The following KCNH1 variants were observed in gnomAD, a reference collection of about 807,000 sequenced individuals.
KCNH1 encodes the protein voltage-gated delayed rectifier potassium channel KCNH1.
In KCNH1, 27 loss-of-function variants were observed where a neutral mutation model predicts 69.2. The ratio of observed to expected loss-of-function variants is 0.39; its 90% CI spans 0.29 to 0.54. The LOEUF (loss-of-function observed/expected upper bound fraction) is 0.54. Ranked by LOEUF, KCNH1 falls within the 20% of genes least tolerant of loss-of-function variation. The pLI, the probability that KCNH1 is intolerant of heterozygous loss-of-function variation, is 0.68. For synonymous variants in KCNH1, 456 were observed against 487.7 expected, an observed-to-expected ratio of 0.93 and a Z score of 0.86; for missense variants, 798 against 1,261.6, an observed-to-expected ratio of 0.63 and a Z score of 5.57.
intron 6 of KCNH1, among the ~76,000 whole-genome samples, chr1:210,958,040 A>G (rs148588265): frequency 0.041 from 6,211 of 152,308 alleles, 189 homozygotes; most frequent in South Asian, 0.065. Flanking sequence ...ATGTTTTTGT[A>G]GTGGCTGGTA....
At chr1:210,806,806 CCAAAAAAAA>C (rs1298090221) in intron 7 of KCNH1, among the ~76,000 whole-genome samples, 20,888 of 86,158 alleles carry the variant, frequency 0.24, 4,470 homozygotes, top group Non-Finnish European at 0.24. Context: ...CCCATCTCTA[CCAAAAAAAA>C]AAAAAAAAAA....
At chr1:210,959,338 C>A (rs1688250693) in intron 6 of KCNH1, among the ~76,000 whole-genome samples, 2 of 152,298 alleles carry the variant, frequency 1.3e-5, no homozygotes, top group South Asian at 4.1e-4. Context: ...TCAGTCCCTA[C>A]TGGGAGGTGT....
At chr1:210,685,415 C>T (rs113020808) in intron 10 of KCNH1, among the ~76,000 whole-genome samples, 3 of 152,228 alleles carry the variant, frequency 2.0e-5, no homozygotes, top group African/African-American at 7.2e-5. Context: ...CCACTTAGAC[C>T]CACCCAAAAC....
intron 10 of KCNH1, among the ~76,000 whole-genome samples, chr1:210,714,417 G>A (rs1488050713): frequency 6.6e-6 from 1 of 152,058 alleles, no homozygotes; most frequent in Non-Finnish European, 1.5e-5. Flanking sequence ...CTTTACCTGG[G>A]GTTGGGGCCT....
intron 6 of KCNH1, among the ~76,000 whole-genome samples, chr1:210,980,854 T>C (rs1451169081): frequency 6.6e-6 from 1 of 152,052 alleles, no homozygotes; most frequent in Non-Finnish European, 1.5e-5. Context: ...TGCATTTATA[T>C]ACATACATAT....
intron 4 of KCNH1, among the ~76,000 whole-genome samples, chr1:211,088,793 C>T (rs766537382): frequency 1.3e-5 from 2 of 152,164 alleles, no homozygotes; most frequent in Admixed American, 6.5e-5. Context: ...TAAGAAGAAA[C>T]AGAGTAAATG....
At chr1:210,893,222 T>A (rs1023429720) in intron 7 of KCNH1, among the ~76,000 whole-genome samples, 2 of 152,176 alleles carry the variant, frequency 1.3e-5, no homozygotes, top group Non-Finnish European at 2.9e-5. Flanking sequence ...TTTTTCAGAT[T>A]TTACATGTCT....
At chr1:210,755,082 T>C (rs1683368772) in intron 10 of KCNH1, among the ~76,000 whole-genome samples, 1 of 151,860 alleles carries the variant, frequency 6.6e-6, no homozygotes, top group African/African-American at 2.4e-5. Context: ...GCTTACGCTT[T>C]AGTCCCCTCT....
intron 5 of KCNH1, among the ~76,000 whole-genome samples, chr1:211,064,362 C>T (rs947936280): frequency 3.3e-5 from 5 of 152,140 alleles, no homozygotes; most frequent in African/African-American, 1.2e-4. Flanking sequence ...AGATCGAGAC[C>T]AGCCTGGCTA....
chr1:210,806,838 T>A (rs558237606), intron 7 of KCNH1, among the ~76,000 whole-genome samples: 21 of 78,666 alleles, frequency 2.7e-4, no homozygotes, highest in Admixed American at 4.1e-4. Flanking sequence ...AAAAAAAAAA[T>A]ATATATATAT....
At chr1:210,878,346 T>C (rs1262773185) in intron 7 of KCNH1, among the ~76,000 whole-genome samples, 2 of 151,966 alleles carry the variant, frequency 1.3e-5, no homozygotes, top group African/African-American at 2.4e-5. Flanking sequence ...AGAATACACA[T>C]TCTTCTCAAG....
intron 5 of KCNH1, among the ~76,000 whole-genome samples, chr1:211,031,184 C>T (rs970341219): frequency 1.3e-5 from 2 of 152,144 alleles, no homozygotes; most frequent in African/African-American, 4.8e-5. Flanking sequence ...CTTCCCAAGA[C>T]TAAACCAGGA....
Position 210,679,767 on chromosome 1 carries a change from A to G in KCNH1, c.*3514T>C, listed in dbSNP as rs1681218926. ...GGCCAACAGCAGCACACTGGATCGA[A>G]GAGGTTGTGGGTAAAACAGTCCCCA... On this transcript the variant is annotated 3_prime_UTR_variant, in exon 11 of 11. Transcript: ENST00000271751. The G allele has an allele frequency of 6.6e-6, 1 of 152,188 alleles. No homozygotes were observed. Among genetic ancestry groups the G allele is most frequent in the Admixed American group, 6.5e-5 (1 of 15,286 alleles). The allele number at this position is 152,188 out of a possible 1,614,324, so 9.4% of individuals were successfully genotyped here. A position where few individuals can be genotyped will look rare whatever the true frequency, so the allele number is the denominator to read the frequency against.
In KCNH1 at chr1:210,986,416, T is replaced by C. The variant is rs1688835481; in HGVS notation, c.1032+32367A>G. 5.3e-5 allele frequency among the ~76,000 whole-genome samples: 8 copies of C among 152,224 alleles called. 1 individual carries two copies. In the South Asian group the frequency reaches 1.7e-3, roughly 32 times the overall value. On this transcript the variant is annotated intron_variant, in intron 6 of 10. Coordinates refer to ENST00000271751, the MANE Select transcript of KCNH1 (RefSeq NM_172362.3). ...CAACTTGGCATGTTTTTGCAGTGGC[T>C]GGTACTGGTTGTTCCTTTCCATGTT...
chr1:210,881,813 T>A (rs1686500815), intron 7 of KCNH1, among the ~76,000 whole-genome samples: 2 of 152,232 alleles, frequency 1.3e-5, no homozygotes, highest in South Asian at 4.1e-4. Context: ...TCTAACCATA[T>A]GACATTCTAG....
intron 6 of KCNH1, among the ~76,000 whole-genome samples, chr1:210,981,583 T>C (rs557657395): frequency 1.3e-5 from 2 of 152,238 alleles, no homozygotes; most frequent in East Asian, 1.9e-4. Context: ...ATACTATCTC[T>C]ATAAATACTA....
rs561208193 is a variant in KCNH1, at chr1:210,877,000, C to T, written c.1462+42640G>A. On this transcript the variant is annotated intron_variant, in intron 7 of 10. Coordinates refer to ENST00000271751, the MANE Select transcript of KCNH1 (RefSeq NM_172362.3). Reference sequence around the variant, plus strand: ...CCTTACCGCTCAGCCTCAGAGATAACGAGCTCACAGGTACTTCTCTCTTGA... The same window carrying T: ...CCTTACCGCTCAGCCTCAGAGATAATGAGCTCACAGGTACTTCTCTCTTGA... Among the ~76,000 whole-genome samples the T allele has an allele frequency of 8.0e-5, 12 of 150,760 alleles. No individual in the cohort carries two copies. In the South Asian group the frequency reaches 2.3e-3, roughly 29 times the overall value.
In KCNH1 at chr1:210,964,041, A is replaced by G. The variant is rs149489771; in HGVS notation, c.1033-43972T>C. On this transcript the variant is annotated intron_variant, in intron 6 of 10. Transcript: ENST00000271751. ...GAAAAAATGTTAAGAGCATCCAGAG[A>G]GAAAGGTTGGGTTACCCACAAAGGG... Among the ~76,000 whole-genome samples, 441 of 152,318 alleles carry G rather than the reference A, an allele frequency of 2.9e-3. 3 individuals carry two copies. The highest frequency in any genetic ancestry group is 6.8e-3 in the Middle Eastern group (2 of 294).
At chr1:211,127,292 T>G (rs1404495507) in intron 1 of KCNH1, among the ~76,000 whole-genome samples, 1 of 152,160 alleles carries the variant, frequency 6.6e-6, no homozygotes, top group Non-Finnish European at 1.5e-5. Context: ...TTGTTTTCAT[T>G]TCAGTGAAAC....
Sources: allele counts gnomAD v4.1 joint callset (sites outside exome capture counted in the v4.1 genomes callset), GRCh38; gene constraint gnomAD v4.1.1; transcripts MANE v1.5; gene names NCBI Gene and HGNC (gene_info 2026-07-23, HGNC 2026-07-21).